The following NAALADL2 variants were observed in gnomAD, a reference collection of about 807,000 sequenced individuals.
The protein encoded by NAALADL2 is inactive N-acetylated-alpha-linked acidic dipeptidase-like protein 2.
NAALADL2 carries 76 observed loss-of-function variants against 87.2 expected under a neutral mutation model. The ratio of observed to expected loss-of-function variants is 0.87; its 90% CI spans 0.72 to 1.05. The LOEUF (loss-of-function observed/expected upper bound fraction) is 1.05. NAALADL2 is among the 50% of genes least tolerant of loss of function. The probability of loss-of-function intolerance (pLI) is 0.00; values close to 1 mark genes in which losing one functional copy is unlikely to be tolerated. For missense variants in NAALADL2, 1,089 were observed against 945.8 expected (o/e 1.15, Z -1.99); for synonymous variants, 354 against 331.0 (o/e 1.07, Z -0.75).
At chr3:174,735,555 T>C (rs116447921) in intron 2 of NAALADL2, among the ~76,000 whole-genome samples, 2,101 of 152,180 alleles carry the variant, frequency 0.014, 12 homozygotes, top group Middle Eastern at 0.02. Context: ...TTCTCCTTCA[T>C]ATTTTTTTGT....
At chr3:175,354,993 T>C (rs1182304372) in intron 5 of NAALADL2, among the ~76,000 whole-genome samples, 1 of 148,740 alleles carries the variant, frequency 6.7e-6, no homozygotes, top group Non-Finnish European at 1.5e-5. Flanking sequence ...TTTTCCAATT[T>C]TATTTATATA....
Position 174,610,671 on chromosome 3 carries a change from T to G in NAALADL2, c.-115+60034T>G, listed in dbSNP as rs539121520. ...CATTAAAAAGTCAGGAAACAACAGG[T>G]GCTGGAGAGGATGTGGAGAAATAGG... On this transcript the variant is annotated intron_variant, in intron 2 of 3. Coordinates refer to the NAALADL2 transcript ENST00000434257. Among the ~76,000 whole-genome samples, 177 of 152,116 alleles carry G rather than the reference T, an allele frequency of 1.2e-3. 2 individuals are homozygous for G. The highest frequency in any genetic ancestry group is 4.1e-3 in the African/African-American group (172 of 41,494).
At chr3:175,046,830 G>A (rs574199660) in intron 1 of NAALADL2, among the ~76,000 whole-genome samples, 4 of 152,100 alleles carry the variant, frequency 2.6e-5, no homozygotes, top group African/African-American at 9.7e-5. Context: ...TGCAAACGTA[G>A]TGAAAGCCAG....
chr3:175,480,739 A>G (rs960769112), intron 9 of NAALADL2, among the ~76,000 whole-genome samples: 1 of 151,916 alleles, frequency 6.6e-6, no homozygotes, highest in Non-Finnish European at 1.5e-5. Flanking sequence ...TCCAAAAATA[A>G]TAAGGTATTG....
chr3:175,486,091 A>C (rs1195107141), intron 9 of NAALADL2, among the ~76,000 whole-genome samples: 1 of 152,202 alleles, frequency 6.6e-6, no homozygotes, highest in African/African-American at 2.4e-5. Flanking sequence ...TAGCAGCCTG[A>C]ACTGACTAAG....
intron 2 of NAALADL2, among the ~76,000 whole-genome samples, chr3:174,709,920 C>G (rs1026945782): frequency 2.0e-5 from 3 of 152,190 alleles, no homozygotes; most frequent in Non-Finnish European, 4.4e-5. Flanking sequence ...ATGTGACTAA[C>G]TTCAATGTGT....
intron 1 of NAALADL2, among the ~76,000 whole-genome samples, chr3:174,480,292 G>A (rs1320804683): frequency 2.0e-5 from 3 of 152,114 alleles, no homozygotes; most frequent in Non-Finnish European, 4.4e-5. Flanking sequence ...GTAGAAATCT[G>A]CTGTAGAATT....
At chr3:174,772,726 A>G (rs1481609149) in intron 3 of NAALADL2, among the ~76,000 whole-genome samples, 2 of 152,190 alleles carry the variant, frequency 1.3e-5, no homozygotes, top group African/African-American at 4.8e-5. Context: ...AGACAGACAC[A>G]AAATGATATA....
rs1275495145 is a variant in NAALADL2 at position 175,128,492 on chromosome 3, C to G, written c.545+31201C>G. Among the ~76,000 whole-genome samples, 6 of 151,974 alleles carry G rather than the reference C, an allele frequency of 3.9e-5. 1 individual carries two copies. The highest frequency in any genetic ancestry group is 3.9e-4 in the Admixed American group (6 of 15,258). On this transcript the variant is annotated intron_variant, in intron 2 of 13. Transcript: ENST00000454872. ...TCTTTTGTGTTTTTAGTAGGCAATC[C>G]TATGGCCTGCTGAGATTTCATTTAT...
At chr3:174,855,081 C>T (rs151268115), upstream of NAALADL2, among the ~76,000 whole-genome samples, 1,419 of 152,004 alleles carry the variant, frequency 9.3e-3, 16 homozygotes, top group Middle Eastern at 0.037. Flanking sequence ...TCAGGTGATC[C>T]GCCCGCCTTG....
intron 3 of NAALADL2, among the ~76,000 whole-genome samples, chr3:174,849,603 C>G (rs1001079976): frequency 6.6e-6 from 1 of 151,732 alleles, no homozygotes; most frequent in African/African-American, 2.4e-5. Context: ...GACATGGTGG[C>G]GGGTGCCTGT....
chr3:174,626,598 T>C (rs963830025), intron 2 of NAALADL2, among the ~76,000 whole-genome samples: 1 of 152,066 alleles, frequency 6.6e-6, no homozygotes, highest in Non-Finnish European at 1.5e-5. Flanking sequence ...ATATAGCTAT[T>C]ACAATTTTTA....
At chr3:174,843,610 C>T (rs931620736) in intron 3 of NAALADL2, among the ~76,000 whole-genome samples, 1 of 152,050 alleles carries the variant, frequency 6.6e-6, no homozygotes, top group Admixed American at 6.6e-5. Flanking sequence ...AATGAGGAAC[C>T]TCTATAATGT....
intron 11 of NAALADL2, among the ~76,000 whole-genome samples, chr3:175,679,740 C>T (rs942012166): frequency 6.6e-6 from 1 of 152,162 alleles, no homozygotes; most frequent in Non-Finnish European, 1.5e-5. Flanking sequence ...TCAGCAGCTG[C>T]TGTGCCTGAG....
intron 13 of NAALADL2, among the ~76,000 whole-genome samples, chr3:175,781,664 A>ATAC (rs1445323272): frequency 2.6e-5 from 4 of 151,878 alleles, no homozygotes; most frequent in African/African-American, 7.3e-5. Context: ...GCAAAAAAAA[A>ATAC]AAAAAAGTTT....
intron 4 of NAALADL2, among the ~76,000 whole-genome samples, chr3:175,265,151 A>T (rs947021494): frequency 4.0e-5 from 6 of 151,610 alleles, no homozygotes; most frequent in Non-Finnish European, 3.0e-5. Context: ...TCAAAATGTA[A>T]GTTTTGTCAT....
chr3:174,869,673 A>T (rs1727560938), intron 1 of NAALADL2, among the ~76,000 whole-genome samples: 1 of 152,136 alleles, frequency 6.6e-6, no homozygotes, highest in Non-Finnish European at 1.5e-5. Context: ...AAGATCGGCT[A>T]GCCGCAGCTG....
chr3:174,820,869 A>G (rs901384471), intron 3 of NAALADL2, among the ~76,000 whole-genome samples: 1 of 152,170 alleles, frequency 6.6e-6, no homozygotes, highest in African/African-American at 2.4e-5. Context: ...ATTCATTTTC[A>G]TAACTAATTT....
intron 1 of NAALADL2, among the ~76,000 whole-genome samples, chr3:175,008,916 T>C (rs1749416350): frequency 6.6e-6 from 1 of 152,194 alleles, no homozygotes; most frequent in African/African-American, 2.4e-5. Context: ...TTGTTTTAAA[T>C]AAATGCTGTA....
Sources: allele counts gnomAD v4.1 joint callset (sites outside exome capture counted in the v4.1 genomes callset), GRCh38; gene constraint gnomAD v4.1.1; transcripts MANE v1.5; gene names NCBI Gene and HGNC (gene_info 2026-07-23, HGNC 2026-07-21).